SCFD2: variants seen among roughly 807,000 people sequenced by gnomAD.
SCFD2 encodes the protein sec1 family domain containing 2.
SCFD2 carries 54 observed loss-of-function variants against 58.9 expected under a neutral mutation model. The observed-to-expected ratio is 0.92, with a 90% confidence interval of 0.74 to 1.15. SCFD2 has a LOEUF of 1.15. Ranked by LOEUF, SCFD2 falls within the 50% of genes most tolerant of loss-of-function variation. The probability of loss-of-function intolerance (pLI) is 0.00; values close to 1 mark genes in which losing one functional copy is unlikely to be tolerated. For synonymous variants in SCFD2, 321 were observed against 335.9 expected (o/e 0.96, Z 0.49); for missense variants, 805 against 836.6 (o/e 0.96, Z 0.47).
chr4:53,049,911 G>A (rs1242074513), intron 5 of SCFD2, among the ~76,000 whole-genome samples: 1 of 151,974 alleles, frequency 6.6e-6, no homozygotes, highest in Non-Finnish European at 1.5e-5. Context: ...TGGGTTTTCA[G>A]TATTTTAAAA....
intron 5 of SCFD2, among the ~76,000 whole-genome samples, chr4:53,017,457 G>A (rs1165380237): frequency 6.6e-6 from 1 of 152,240 alleles, no homozygotes; most frequent in African/African-American, 2.4e-5. Context: ...AGATGAAATA[G>A]TAGGTGCAAT....
intron 5 of SCFD2, among the ~76,000 whole-genome samples, chr4:52,974,469 G>T (rs2109556532): frequency 6.6e-6 from 1 of 152,300 alleles, no homozygotes; most frequent in African/African-American, 2.4e-5. Flanking sequence ...CAAGGGACAT[G>T]AAGGACCTCT....
intron 4 of SCFD2, among the ~76,000 whole-genome samples, chr4:53,215,815 G>A (rs1245079162): frequency 7.9e-5 from 12 of 152,040 alleles, no homozygotes; most frequent in Non-Finnish European, 1.6e-4. Context: ...TTTGAGATAC[G>A]TCCCATCAAT....
intron 5 of SCFD2, among the ~76,000 whole-genome samples, chr4:53,014,165 G>A (rs1722159259): frequency 6.6e-6 from 1 of 152,202 alleles, no homozygotes; most frequent in African/African-American, 2.4e-5. Context: ...ATGTGGAAGT[G>A]CAGAGTGCTA....
At chr4:53,030,525 C>T (rs1008912915) in intron 5 of SCFD2, among the ~76,000 whole-genome samples, 16 of 152,096 alleles carry the variant, frequency 1.1e-4, no homozygotes, top group South Asian at 2.1e-4. Context: ...TGGGTTCCAG[C>T]GATTCTCCTG....
rs564609057 is a variant in SCFD2 at position 53,083,854 on chromosome 4, G to T, written c.1561+61479C>A. ...AGGTATAAAGATCACATGCTTCAAA[G>T]AGCAAAAAGCAGAACCACTAATAAG... is the stretch of plus-strand genomic sequence containing the variant. On this transcript the variant is annotated intron_variant, in intron 5 of 8. Transcript: ENST00000401642. 1.2e-3 allele frequency among the ~76,000 whole-genome samples: 189 copies of T among 152,222 alleles called. 1 individual carries two copies. Among genetic ancestry groups the T allele is most frequent in the African/African-American group, 4.4e-3 (183 of 41,540 alleles).
intron 4 of SCFD2, among the ~76,000 whole-genome samples, chr4:53,179,967 T>C (rs141648343): frequency 2.0e-5 from 3 of 152,172 alleles, no homozygotes; most frequent in Non-Finnish European, 4.4e-5. Flanking sequence ...CAAATATATA[T>C]GCACCCAATA....
chr4:53,104,405 T>C (rs986910352), intron 5 of SCFD2, among the ~76,000 whole-genome samples: 6 of 152,196 alleles, frequency 3.9e-5, no homozygotes, highest in African/African-American at 1.2e-4. Flanking sequence ...AATACTGTCA[T>C]GGTCACCAAA....
intron 5 of SCFD2, among the ~76,000 whole-genome samples, chr4:52,945,061 C>T (rs1720388853): frequency 6.6e-6 from 1 of 152,122 alleles, no homozygotes; most frequent in African/African-American, 2.4e-5. Context: ...GAACAATATG[C>T]AGAATATTAT....
chr4:53,164,443 A>G (rs1017629830), intron 4 of SCFD2, among the ~76,000 whole-genome samples: 4 of 152,166 alleles, frequency 2.6e-5, no homozygotes, highest in Admixed American at 1.3e-4. Context: ...TAGTCCCACA[A>G]AGGCTCTGGC....
At chr4:53,070,461 T>C (rs1723783244) in intron 5 of SCFD2, among the ~76,000 whole-genome samples, 1 of 152,090 alleles carries the variant, frequency 6.6e-6, no homozygotes. Flanking sequence ...TTAATTTGTA[T>C]CCAAAATGAT....
At chr4:53,217,381 A>G (rs1228856140) in intron 4 of SCFD2, among the ~76,000 whole-genome samples, 1 of 152,080 alleles carries the variant, frequency 6.6e-6, no homozygotes, top group Admixed American at 6.6e-5. Flanking sequence ...TGTTGAATTG[A>G]TCCCTTTACC....
chr4:53,264,664 T>C (rs1341337980), intron 4 of SCFD2, among the ~76,000 whole-genome samples: 1 of 152,202 alleles, frequency 6.6e-6, no homozygotes, highest in Non-Finnish European at 1.5e-5. Flanking sequence ...AGCCAAGCCA[T>C]ATGGCGTGAG....
chr4:53,009,797 C>T (rs904384246), intron 5 of SCFD2, among the ~76,000 whole-genome samples: 3 of 152,112 alleles, frequency 2.0e-5, no homozygotes, highest in African/African-American at 7.2e-5. Flanking sequence ...TTCTCAGAAC[C>T]CTGTCCAATT....
rs1172546457 is a variant in SCFD2, at chr4:53,325,473, G to A, written c.1008-11710C>T. ...AAAATAGAAGAAAAGACACAGGACT[G>A]AGCTTCAAGTACAATCTAGACCTGC... On this transcript the variant is annotated intron_variant, in intron 2 of 8. Transcript: ENST00000401642. Among the ~76,000 whole-genome samples, 5 of 152,284 alleles carry A rather than the reference G, an allele frequency of 3.3e-5. No individual in the cohort carries two copies. In the South Asian group the frequency reaches 1.0e-3, roughly 32 times the overall value.
intron 3 of SCFD2, among the ~76,000 whole-genome samples, chr4:53,300,141 G>T (rs922989704): frequency 1.8e-4 from 28 of 152,244 alleles, no homozygotes; most frequent in African/African-American, 6.7e-4. Context: ...CCAATTAAAA[G>T]ACACAGACTG....
intron 4 of SCFD2, among the ~76,000 whole-genome samples, chr4:53,209,269 T>A (rs1242543941): frequency 6.6e-6 from 1 of 152,122 alleles, no homozygotes. Flanking sequence ...ATGCCCTTGA[T>A]AAAGCTAAAT....
intron 4 of SCFD2, among the ~76,000 whole-genome samples, chr4:53,165,880 C>T (rs1411002238): frequency 1.3e-5 from 2 of 152,174 alleles, no homozygotes; most frequent in Non-Finnish European, 1.5e-5. Context: ...ATATGATTTT[C>T]TCCATCTCTT....
At chr4:53,023,840 T>C (rs4864711) in intron 5 of SCFD2, among the ~76,000 whole-genome samples, 5,342 of 152,278 alleles carry the variant, frequency 0.035, 177 homozygotes, top group African/African-American at 0.085. Flanking sequence ...AGTAGCTCTG[T>C]TCAGTATGAG....
Sources: gnomAD v4.1 joint callset for allele counts (sites outside exome capture counted in the v4.1 genomes callset) on GRCh38, gnomAD v4.1.1 for gene constraint, MANE v1.5 for transcripts, NCBI Gene and HGNC (gene_info 2026-07-23, HGNC 2026-07-21) for gene names.